RBM20: variants seen among roughly 807,000 people sequenced by gnomAD.
The protein encoded by RBM20 is RNA binding motif protein 20, also known as RNA-binding protein 20.
A neutral mutation model predicts 110.1 loss-of-function variants in RBM20; 51 were observed. The ratio of observed to expected loss-of-function variants is 0.46; its 90% CI spans 0.37 to 0.59. The LOEUF is 0.59. RBM20 is among the 20% of genes least tolerant of loss of function. The pLI, the probability that RBM20 is intolerant of heterozygous loss-of-function variation, is 0.00. For missense variants in RBM20, 1,512 were observed against 1,574.9 expected, an observed-to-expected ratio of 0.96 and a Z score of 0.68; for synonymous variants, 589 against 618.2, an observed-to-expected ratio of 0.95 and a Z score of 0.70.
chr10:110,683,062 G>T (rs892991104), intron 1 of RBM20, among the ~76,000 whole-genome samples: 1 of 148,622 alleles, frequency 6.7e-6, no homozygotes, highest in Non-Finnish European at 1.5e-5. Context: ...TTGTGTCATT[G>T]ATCACAATTT....
intron 1 of RBM20, among the ~76,000 whole-genome samples, chr10:110,774,841 A>T (rs1024476824): frequency 3.9e-5 from 6 of 152,038 alleles, no homozygotes; most frequent in Admixed American, 6.6e-5. Flanking sequence ...TTGTAACCTG[A>T]CATTCAGGAA....
At chr10:110,699,890 C>T (rs1343604733) in intron 1 of RBM20, among the ~76,000 whole-genome samples, 2 of 152,094 alleles carry the variant, frequency 1.3e-5, no homozygotes, top group South Asian at 2.1e-4. Flanking sequence ...GTATCATCAC[C>T]GTTTATCCTA....
intron 1 of RBM20, among the ~76,000 whole-genome samples, chr10:110,658,223 C>G (rs185272999): frequency 1.1e-4 from 16 of 152,280 alleles, no homozygotes; most frequent in Admixed American, 1.0e-3. Flanking sequence ...CTGGATTTAC[C>G]AAAGGCCAGC....
At chr10:110,791,312 T>G (rs1295531335) in intron 5 of RBM20, among the ~76,000 whole-genome samples, 1 of 152,218 alleles carries the variant, frequency 6.6e-6, no homozygotes, top group Admixed American at 6.5e-5. Context: ...CAGATAACAT[T>G]AGATCACATC....
intron 1 of RBM20, among the ~76,000 whole-genome samples, chr10:110,710,860 C>T (rs1279665259): frequency 6.6e-6 from 1 of 152,118 alleles, no homozygotes. Context: ...CTTGTGGAGC[C>T]GGGCAGGTGA....
intron 8 of RBM20, among the ~76,000 whole-genome samples, chr10:110,810,846 C>CAT (rs1554902560): frequency 8.7e-5 from 13 of 149,042 alleles, no homozygotes; most frequent in African/African-American, 2.5e-4. Flanking sequence ...CATGTGTGTG[C>CAT]GTGTGTGTGT....
At chr10:110,703,496 T>C (rs919609514) in intron 1 of RBM20, among the ~76,000 whole-genome samples, 17 of 152,336 alleles carry the variant, frequency 1.1e-4, no homozygotes, top group Admixed American at 9.2e-4. Context: ...CCCCCAGTGA[T>C]AACAGTTTGC....
At chr10:110,800,958 G>GA (rs969223507) in intron 7 of RBM20, among the ~76,000 whole-genome samples, 7 of 152,128 alleles carry the variant, frequency 4.6e-5, no homozygotes, top group African/African-American at 1.7e-4. Flanking sequence ...AGGCTAATCT[G>GA]AACCTTCTCA....
intron 6 of RBM20, among the ~76,000 whole-genome samples, chr10:110,798,011 G>A (rs985735269): frequency 1.3e-5 from 2 of 152,150 alleles, no homozygotes; most frequent in Non-Finnish European, 1.5e-5. Flanking sequence ...TATCCTCTAA[G>A]CCTCTCCTAT....
chr10:110,682,133 C>T (rs1367237690), intron 1 of RBM20, among the ~76,000 whole-genome samples: 2 of 152,122 alleles, frequency 1.3e-5, no homozygotes, highest in Non-Finnish European at 2.9e-5. Flanking sequence ...CTCAGGTGAT[C>T]CACCCGCCTC....
intron 1 of RBM20, among the ~76,000 whole-genome samples, chr10:110,686,724 TATCC>T (rs1450136388): frequency 1.3e-5 from 2 of 152,218 alleles, no homozygotes; most frequent in African/African-American, 4.8e-5. Flanking sequence ...TAGGCATTTC[TATCC>T]ATCATTTATT....
intron 1 of RBM20, among the ~76,000 whole-genome samples, chr10:110,768,048 C>T (rs1304541027): frequency 2.0e-5 from 3 of 152,202 alleles, no homozygotes; most frequent in African/African-American, 7.2e-5. Flanking sequence ...GCCAACACAG[C>T]GAAACCCCGT....
intron 1 of RBM20, among the ~76,000 whole-genome samples, chr10:110,694,441 G>A (rs1862632225): frequency 6.6e-6 from 1 of 152,222 alleles, no homozygotes; most frequent in African/African-American, 2.4e-5. Flanking sequence ...CTTTTAAGAG[G>A]AAGGGGACTA....
At chr10:110,720,775 C>T (rs1395651592) in intron 1 of RBM20, among the ~76,000 whole-genome samples, 1 of 151,964 alleles carries the variant, frequency 6.6e-6, no homozygotes, top group African/African-American at 2.4e-5. Context: ...TGCTCTCCCA[C>T]AGCAGCTGGA....
At chr10:110,688,703 C>T (rs1201708310) in intron 1 of RBM20, among the ~76,000 whole-genome samples, 1 of 152,202 alleles carries the variant, frequency 6.6e-6, no homozygotes, top group African/African-American at 2.4e-5. Flanking sequence ...TCCCTAACTT[C>T]CCCTAATGTC....
chr10:110,671,485 C>A (rs1862257380), intron 1 of RBM20, among the ~76,000 whole-genome samples: 2 of 152,204 alleles, frequency 1.3e-5, no homozygotes, highest in South Asian at 4.1e-4. Flanking sequence ...CAGCTTGACA[C>A]TTGGCATTTA....
intron 1 of RBM20, among the ~76,000 whole-genome samples, chr10:110,779,104 G>A (rs143656191): frequency 3.1e-3 from 478 of 152,270 alleles, no homozygotes; most frequent in Non-Finnish European, 5.3e-3. Context: ...CTTTGGAATC[G>A]GATAAATATC....
At chr10:110,799,717 T>A in intron 6 of RBM20, 70 bp from the exon 7 acceptor site, 1 of 1,451,504 alleles carries the variant, frequency 6.9e-7, no homozygotes, top group Non-Finnish European at 9.2e-7. Flanking sequence ...CGTGGAATCA[T>A]GCCTTGTGCT....
rs1301212551 is a variant in RBM20, at chr10:110,780,950, C to T, written c.341C>T (p.Thr114Ile). 1.3e-6 allele frequency: 2 copies of T among 1,551,710 alleles called. No homozygotes were observed. The highest frequency in any genetic ancestry group is 3.9e-5 in the Admixed American group (2 of 51,008). Residue 114 changes from threonine to isoleucine, a missense_variant, in exon 2 of 14, where the codon ACT (threonine) becomes ATT (isoleucine). Physicochemically the swap from Thr to Ile is moderately conservative, Grantham distance 89. This residue lies in a region of RBM20 where 1,149 missense variants were observed against 1,169.4 expected (regional missense o/e 0.98). Coordinates refer to ENST00000369519, the MANE Select transcript of RBM20 (RefSeq NM_001134363.3). ...KLAQTAVTNN[T>I]AAATVLNQVL... ...GCACAGACAGCTGTCACCAACAACA[C>T]TGCAGCCGCCACAGTCCTGAACCAA...
Sources: allele counts gnomAD v4.1 joint callset (sites outside exome capture counted in the v4.1 genomes callset), GRCh38; gene constraint gnomAD v4.1.1; regional missense constraint gnomAD v4.1.1; transcripts MANE v1.5; gene names NCBI Gene and HGNC (gene_info 2026-07-23, HGNC 2026-07-21).